The following OR5B21 variants were observed in gnomAD, a reference collection of about 807,000 sequenced individuals.
The protein encoded by OR5B21 is olfactory receptor 5B21.
For missense variants in OR5B21, 372 were observed against 375.7 expected, an observed-to-expected ratio of 0.99 and a Z score of 0.08; for synonymous variants, 151 against 143.3, an observed-to-expected ratio of 1.05 and a Z score of -0.38.
In OR5B21 at chr11:58,507,237, C is replaced by CT; in HGVS notation, c.868dup (p.Arg290LysfsTer27). On this transcript the variant is annotated frameshift_variant, in exon 1 of 1. Coordinates refer to ENST00000360374, the MANE Select transcript of OR5B21 (RefSeq NM_001005218.3). LOFTEE classifies it low-confidence loss of function (END_TRUNC). ...GAGAGCACTTTTCACTTCTTTGTTC[C>CT]TAAGGCTGTATATCAAGGGATTCAG... The CT allele has an allele frequency of 6.2e-7, 1 of 1,613,868 alleles. No individual in the cohort carries two copies. The highest frequency in any genetic ancestry group is 8.5e-7 in the Non-Finnish European group (1 of 1,179,864).
In OR5B21 at chr11:58,508,063, A is replaced by G. The variant is rs1853076363; in HGVS notation, c.43T>C (p.Leu15=). The G allele has an allele frequency of 6.2e-7, 1 of 1,613,956 alleles. No homozygotes were observed. The highest frequency in any genetic ancestry group is 1.3e-5 in the African/African-American group (1 of 74,942). ...TEVTEFILLG[L]TDDPNLQIPL... ...ATCTGAAGATTGGGGTCATCTGTTA[A>G]TCCCAAGAGGATAAACTCTGTCACT... Residue 15 remains leucine, a synonymous_variant, in exon 1 of 1, where the codon TTA becomes CTA. Transcript: ENST00000360374.
Position 58,507,869 on chromosome 11 carries a change from C to G in OR5B21, c.237G>C (p.Thr79=), listed in dbSNP as rs370146756. The G allele has an allele frequency of 1.7e-5, 28 of 1,613,988 alleles. No individual in the cohort carries two copies. The highest frequency in any genetic ancestry group is 3.3e-5 in the Admixed American group (2 of 59,974). ...TGTCCCCTGACCGCAATGCAGCCAC[C>G]GTTTTGGGGGCTACAGCTGATGAGT... is the stretch of plus-strand genomic sequence containing the variant. ...LGYSSAVAPK[T]VAALRSGDKA... Residue 79 remains threonine, a synonymous_variant, in exon 1 of 1, where the codon ACG becomes ACC. Transcript: ENST00000360374.
rs1418274667 is a variant in OR5B21, at chr11:58,507,602, A to C, written c.504T>G (p.Gly168=). The C allele has an allele frequency of 6.2e-7, 1 of 1,614,170 alleles. No homozygotes were observed. The highest frequency in any genetic ancestry group is 2.2e-5 in the East Asian group (1 of 44,864). ...AGAAGAAATGATTAATCTCATTAGA[A>C]CCACAGAAGGAGAGTCTGAAGGTGC... ...AAGTFRLSFC[G]SNEINHFFCD... Residue 168 remains glycine, a synonymous_variant, in exon 1 of 1, where the codon GGT becomes GGG. Coordinates refer to ENST00000360374, the MANE Select transcript of OR5B21 (RefSeq NM_001005218.3).
At position 58,507,793 on chromosome 11, in the gene OR5B21, A is replaced by C. The variant is rs1853070962; in HGVS notation, c.313T>G (p.Phe105Val). 4 of 1,613,980 alleles carry C rather than the reference A, an allele frequency of 2.5e-6. No individual in the cohort carries two copies. Among genetic ancestry groups the C allele is most frequent in the Non-Finnish European group, 3.4e-6 (4 of 1,179,994 alleles). ...AGGAGGTAGCACTCAACAGTGGCAA[A>C]CCCCACAAAGAAGAAGAACTGAGCT... ...CAAQFFFFVG[F>V]ATVECYLLAS... Residue 105 changes from phenylalanine (F) to valine (V), a missense_variant, in exon 1 of 1, where the codon TTT becomes GTT. Coordinates refer to ENST00000360374, the MANE Select transcript of OR5B21 (RefSeq NM_001005218.3).
chr11:58,508,037 T>A lies in OR5B21; in HGVS notation c.69A>T (p.Ile23=), dbSNP rs1232808694. The change falls in exon 1 of 1, where the codon ATA becomes ATT. Residue 23 remains isoleucine (I), a synonymous_variant. Transcript: ENST00000360374. ...LGLTDDPNLQ[I]PLLLAFLFIY... Reference sequence around the variant, plus strand: ...TGAATAAAAATGCCAGGAGGAGGGGTATCTGAAGATTGGGGTCATCTGTTA... The same window carrying A: ...TGAATAAAAATGCCAGGAGGAGGGGAATCTGAAGATTGGGGTCATCTGTTA... 2.5e-6 allele frequency: 4 copies of A among 1,613,898 alleles called. No individual in the cohort carries two copies. The highest frequency in any genetic ancestry group is 3.3e-5 in the Admixed American group (2 of 59,972).
At position 58,507,980 on chromosome 11, in the gene OR5B21, T is replaced by C; in HGVS notation, c.126A>G (p.Gly42=). 6.2e-7 allele frequency: 1 copy of C among 1,613,872 alleles called. No homozygotes were observed. The highest frequency in any genetic ancestry group is 8.5e-7 in the Non-Finnish European group (1 of 1,179,926). Residue 42 remains glycine, a synonymous_variant, in exon 1 of 1, where the codon GGA becomes GGG. Transcript: ENST00000360374. The stretch of plus-strand genomic sequence containing the variant: ...AGTCTGAGTGGATGATCACCATCAT[T>C]CCCCCATTCCCAAGCAGGGTGATGA... ...IYLITLLGNG[G]MMVIIHSDSH...
rs1389603307 is a variant in OR5B21 at position 58,507,551 on chromosome 11, G to C, written c.555C>G (p.Leu185=). Residue 185 remains leucine, a synonymous_variant, in exon 1 of 1, where the codon CTC becomes CTG. Coordinates refer to ENST00000360374, the MANE Select transcript of OR5B21 (RefSeq NM_001005218.3). The stretch of plus-strand genomic sequence containing the variant: ...TGCTGATGCGTGTGTCAGAGCATGA[G>C]AGAGCCAGGAGTGGGGGAATGTCAC... The part of the protein sequence containing the change: ...FFCDIPPLLA[L]SCSDTRISKL... The C allele has an allele frequency of 6.2e-7, 1 of 1,614,032 alleles. No homozygotes were observed. Among genetic ancestry groups the C allele is most frequent in the Non-Finnish European group, 8.5e-7 (1 of 1,180,032 alleles).
rs750991590 is a variant in OR5B21, at chr11:58,507,744, T to A, written c.362A>T (p.His121Leu). 2.5e-6 allele frequency: 4 copies of A among 1,614,106 alleles called. No homozygotes were observed. The Admixed American group carries it at 6.7e-5, about 27-fold the overall frequency. ...ATGAAGAGGCCTACATACCGCTGCA[T>A]GGCGATCATAGGCCATGGAGGCCAG... is the stretch of plus-strand genomic sequence containing the variant. The part of the protein sequence containing the change: ...YLLASMAYDR[H>L]AAVCRPLHYT... The change falls in exon 1 of 1, where the codon CAT becomes CTT. Residue 121 changes from histidine to leucine, a missense_variant. Transcript: ENST00000360374.
chr11:58,507,144 C>T lies in OR5B21; in HGVS notation c.*32G>A. On this transcript the variant is annotated 3_prime_UTR_variant, in exon 1 of 1. Transcript: ENST00000360374. ...CATTTAGGTGTGAGAGAAAGTTTAT[C>T]CCTTAATTGCTTGCCTACTTCCCAT... 1.4e-6 allele frequency: 2 copies of T among 1,447,110 alleles called. No homozygotes were observed. The highest frequency in any genetic ancestry group is 1.9e-6 in the Non-Finnish European group (2 of 1,047,530). 89.6% of individuals were successfully genotyped at this position (1,447,110 alleles called of 1,614,324 possible).
In OR5B21 at chr11:58,507,640, T is replaced by C. The variant is rs1252064856; in HGVS notation, c.466A>G (p.Ile156Val). Residue 156 changes from isoleucine to valine, a missense_variant, in exon 1 of 1, where the codon ATC becomes GTC. Coordinates refer to ENST00000360374, the MANE Select transcript of OR5B21 (RefSeq NM_001005218.3). ...SYVSGFLNAS[I>V]HAAGTFRLSF... Reference sequence around the variant, plus strand: ...AGTCTGAAGGTGCCTGCTGCATGGATAGAGGCATTGAGGAAGCCAGAGACA... The same window carrying C: ...AGTCTGAAGGTGCCTGCTGCATGGACAGAGGCATTGAGGAAGCCAGAGACA... 2 of 1,613,910 alleles carry C rather than the reference T, an allele frequency of 1.2e-6. No homozygotes were observed. Among genetic ancestry groups the C allele is most frequent in the African/African-American group, 1.3e-5 (1 of 74,880 alleles).
rs764205786 is a variant in OR5B21 at position 58,508,061 on chromosome 11, T to A, written c.45A>T (p.Leu15Phe). ...GTATCTGAAGATTGGGGTCATCTGT[T>A]AATCCCAAGAGGATAAACTCTGTCA... Reference protein sequence around the residue: ...TEVTEFILLGLTDDPNLQIPL... With the variant: ...TEVTEFILLGFTDDPNLQIPL... Residue 15 changes from leucine to phenylalanine, a missense_variant, in exon 1 of 1, where the codon TTA (leucine) becomes TTT (phenylalanine). Leu to Phe is a conservative substitution (Grantham distance 22, BLOSUM62 0). Coordinates refer to ENST00000360374, the MANE Select transcript of OR5B21 (RefSeq NM_001005218.3). 1 of 1,614,044 alleles carries A rather than the reference T, an allele frequency of 6.2e-7. No individual in the cohort carries two copies.
In OR5B21 at chr11:58,507,187, G is replaced by T; in HGVS notation, c.919C>A (p.Pro307Thr). ...CTTCCCATTCACATTTAATATTGGG[G>T]GTAAAGTTTGTTGAGTATTTTCCAG... Reference protein sequence around the residue: ...ALWKILNKLYPQY With the variant: ...ALWKILNKLYTQY Residue 307 changes from proline (P) to threonine (T), a missense_variant, in exon 1 of 1, where the codon CCC (proline) becomes ACC (threonine). Pro to Thr is a conservative substitution (Grantham distance 38, BLOSUM62 -1). Coordinates refer to ENST00000360374, the MANE Select transcript of OR5B21 (RefSeq NM_001005218.3). 6.2e-7 allele frequency: 1 copy of T among 1,601,314 alleles called. No individual in the cohort carries two copies. Among genetic ancestry groups the T allele is most frequent in the Non-Finnish European group, 8.5e-7 (1 of 1,170,536 alleles).
In OR5B21 at chr11:58,507,771, A is replaced by G. The variant is rs765557343; in HGVS notation, c.335T>C (p.Leu112Pro). 1 of 1,614,042 alleles carries G rather than the reference A, an allele frequency of 6.2e-7. No individual in the cohort carries two copies. The highest frequency in any genetic ancestry group is 2.2e-5 in the East Asian group (1 of 44,886). Residue 112 changes from leucine to proline, a missense_variant, in exon 1 of 1, where the codon CTC (leucine) becomes CCC (proline). Physicochemically the swap from Leu to Pro is moderately conservative, Grantham distance 98. Coordinates refer to ENST00000360374, the MANE Select transcript of OR5B21 (RefSeq NM_001005218.3). ...FVGFATVECY[L>P]LASMAYDRHA... ...GCGATCATAGGCCATGGAGGCCAGG[A>G]GGTAGCACTCAACAGTGGCAAACCC...
At position 58,507,141 on chromosome 11, in the gene OR5B21, T is replaced by G; in HGVS notation, c.*35A>C. ...TGGCATTTAGGTGTGAGAGAAAGTT[T>G]ATCCCTTAATTGCTTGCCTACTTCC... is the stretch of plus-strand genomic sequence containing the variant. On this transcript the variant is annotated 3_prime_UTR_variant, in exon 1 of 1. Transcript: ENST00000360374. The G allele has an allele frequency of 7.0e-7, 1 of 1,434,210 alleles. No homozygotes were observed. The allele number at this position is 1,434,210 out of a possible 1,614,324, so 88.8% of individuals were successfully genotyped here.
Position 58,507,342 on chromosome 11 carries a change from A to C in OR5B21, c.764T>G (p.Met255Arg), listed in dbSNP as rs1173777020. The C allele has an allele frequency of 3.7e-6, 6 of 1,614,180 alleles. No homozygotes were observed. In the South Asian group the frequency reaches 6.6e-5, roughly 18 times the overall value. ...CTGGCTGGAGTTGGGCTGTAAGTAC[A>C]TGAAGATGATTGTGCCATAGAAGAT... Reference protein sequence around the residue: ...LSIFYGTIIFMYLQPNSSQSV... With the variant: ...LSIFYGTIIFRYLQPNSSQSV... Residue 255 changes from methionine (M) to arginine (R), a missense_variant, in exon 1 of 1, where the codon ATG becomes AGG. Coordinates refer to ENST00000360374, the MANE Select transcript of OR5B21 (RefSeq NM_001005218.3).
chr11:58,507,503 G>A lies in OR5B21; in HGVS notation c.603C>T (p.Gly201=), dbSNP rs1183725020. The A allele has an allele frequency of 1.2e-6, 2 of 1,613,848 alleles. No homozygotes were observed. Among genetic ancestry groups the A allele is most frequent in the Non-Finnish European group, 1.7e-6 (2 of 1,179,990 alleles). Residue 201 remains glycine (G), a synonymous_variant, in exon 1 of 1, where the codon GGC becomes GGT. Coordinates refer to ENST00000360374, the MANE Select transcript of OR5B21 (RefSeq NM_001005218.3). ...CCAGGAGGGTGAAAAAGACGTTGAA[G>A]CCTGCCACAAAGACCACCAACTTGC... ...RISKLVVFVA[G]FNVFFTLLVI...
chr11:58,507,713 G>A lies in OR5B21; in HGVS notation c.393C>T (p.Thr131=). The A allele has an allele frequency of 2.5e-6, 4 of 1,614,152 alleles. No homozygotes were observed. In the South Asian group the frequency reaches 3.3e-5, roughly 13 times the overall value. ...HAAVCRPLHY[T]TTMTAGVCAL... ...CACACACACCTGCTGTCATGGTGGT[G>A]GTGTAATGAAGAGGCCTACATACCG... The change falls in exon 1 of 1, where the codon ACC becomes ACT. Residue 131 remains threonine, a synonymous_variant. Coordinates refer to ENST00000360374, the MANE Select transcript of OR5B21 (RefSeq NM_001005218.3).
At position 58,507,280 on chromosome 11, in the gene OR5B21, T is replaced by C. The variant is rs1430439210; in HGVS notation, c.826A>G (p.Thr276Ala). ...GGATTCAGCATGGGAATCACCACTG[T>C]GTAAAACACAGAGGCTATTTTGTCT... ...DTDKIASVFY[T>A]VVIPMLNPLI... Residue 276 changes from threonine (T) to alanine (A), a missense_variant, in exon 1 of 1, where the codon ACA becomes GCA. By Grantham distance (58) the Thr-to-Ala change is moderately conservative. Transcript: ENST00000360374. The C allele has an allele frequency of 1.2e-5, 19 of 1,614,124 alleles. No homozygotes were observed. The highest frequency in any genetic ancestry group is 1.4e-5 in the Non-Finnish European group (17 of 1,179,978).
At position 58,507,469 on chromosome 11, in the gene OR5B21, T is replaced by G; in HGVS notation, c.637A>C (p.Ile213Leu). 4 of 1,613,932 alleles carry G rather than the reference T, an allele frequency of 2.5e-6. No individual in the cohort carries two copies. Among genetic ancestry groups the G allele is most frequent in the South Asian group, 1.1e-5 (1 of 91,070 alleles). The change falls in exon 1 of 1, where the codon ATT (isoleucine) becomes CTT (leucine). Residue 213 changes from isoleucine to leucine, a missense_variant. By Grantham distance (5) the Ile-to-Leu change is conservative. Transcript: ENST00000360374. ...GTGATGCATATGAAGAAGTAAGAAA[T>G]AAGGATGACCAGGAGGGTGAAAAAG... The part of the protein sequence containing the change: ...NVFFTLLVIL[I>L]SYFFICITIQ...
Sources: gnomAD v4.1 joint callset for allele counts on GRCh38, gnomAD v4.1.1 for gene constraint, MANE v1.5 for transcripts, NCBI Gene and HGNC (gene_info 2026-07-23, HGNC 2026-07-21) for gene names.